The following ACSM1 variants were observed in gnomAD, a reference collection of about 807,000 sequenced individuals.
ACSM1 encodes the protein acyl-coenzyme A synthetase ACSM1, mitochondrial.
Under a neutral mutation model 75.8 loss-of-function variants are expected in ACSM1, and 79 were observed. The observed-to-expected ratio is 1.04, with a 90% CI of 0.87 to 1.26. The LOEUF (loss-of-function observed/expected upper bound fraction) is 1.26, where lower values mean the gene tolerates loss of function less well. Among genes scored for constraint, ACSM1 ranks in the 50% most tolerant of loss-of-function variants. The pLI is 0.00. For missense variants in ACSM1, 676 were observed against 720.1 expected (o/e 0.94, Z 0.70); for synonymous variants, 279 against 265.8 (o/e 1.05, Z -0.48).
chr16:20,693,044 C>T (rs2079669610), intron 1 of ACSM1, among the ~76,000 whole-genome samples: 1 of 151,998 alleles, frequency 6.6e-6, no homozygotes, highest in Admixed American at 6.6e-5. Flanking sequence ...GAAGTGCCTG[C>T]CTGTAGTCCC....
At position 20,657,882 on chromosome 16, in the gene ACSM1, T is replaced by C. The variant is rs547741389; in HGVS notation, c.992+3912A>G. ...GTTTGGTTTTTTGTCCTTGTGATAG[T>C]TTGCTGAGAATGATGGTTTCCAGCC... is the stretch of plus-strand genomic sequence containing the variant. On this transcript the variant is annotated intron_variant, in intron 7 of 13. Coordinates refer to ENST00000520010, the MANE Select transcript of ACSM1 (RefSeq NM_001318890.3). 2.0e-5 allele frequency among the ~76,000 whole-genome samples: 3 copies of C among 152,252 alleles called. No homozygotes were observed. The East Asian group carries it at 5.8e-4, about 29-fold the overall frequency.
chr16:20,633,106 A>G (rs1301419001), intron 10 of ACSM1, among the ~76,000 whole-genome samples: 1 of 152,206 alleles, frequency 6.6e-6, no homozygotes, highest in Non-Finnish European at 1.5e-5. Context: ...GACCAAAAAC[A>G]CAAGGATGCC....
intron 6 of ACSM1, among the ~76,000 whole-genome samples, chr16:20,666,818 C>T (rs1373609018): frequency 6.6e-6 from 1 of 152,076 alleles, no homozygotes; most frequent in Non-Finnish European, 1.5e-5. Flanking sequence ...TGGTCTTCAA[C>T]AAAGTGAACA....
intron 4 of ACSM1, among the ~76,000 whole-genome samples, chr16:20,677,424 T>C (rs77221086): frequency 6.6e-6 from 1 of 152,174 alleles, no homozygotes; most frequent in African/African-American, 2.4e-5. Context: ...GCCTCCTTGT[T>C]TTAAAGCAAT....
At chr16:20,670,396 T>C (rs1487154492) in intron 5 of ACSM1, among the ~76,000 whole-genome samples, 1 of 152,148 alleles carries the variant, frequency 6.6e-6, no homozygotes, top group Non-Finnish European at 1.5e-5. Context: ...ACCTGATCCA[T>C]GCCACTACTA....
intron 6 of ACSM1, among the ~76,000 whole-genome samples, chr16:20,669,441 AACACACACACACACACACAC>A (rs71149170): frequency 7.1e-6 from 1 of 141,252 alleles, no homozygotes; most frequent in Non-Finnish European, 1.5e-5. Flanking sequence ...TGAGTAAGAA[AACACACACACACACACACAC>A]ACACACACAC....
At chr16:20,665,614 G>C (rs114109118) in intron 6 of ACSM1, among the ~76,000 whole-genome samples, 2,154 of 143,598 alleles carry the variant, frequency 0.015, 53 homozygotes, top group African/African-American at 0.059. Flanking sequence ...AAGGAGAAGG[G>C]ACTCCTTTCT....
intron 7 of ACSM1, among the ~76,000 whole-genome samples, chr16:20,651,714 C>G (rs1319049886): frequency 6.6e-6 from 1 of 151,802 alleles, no homozygotes; most frequent in African/African-American, 2.4e-5. Context: ...TTAAAAAGTG[C>G]TTAAATCAGA....
chr16:20,673,702 T>C (rs909336740), intron 4 of ACSM1, among the ~76,000 whole-genome samples: 2 of 152,160 alleles, frequency 1.3e-5, no homozygotes, highest in African/African-American at 4.8e-5. Context: ...CTATAAGCCA[T>C]AGTTGGCAAT....
intron 8 of ACSM1, among the ~76,000 whole-genome samples, 182 bp from the exon 9 acceptor site, chr16:20,637,633 T>C (rs2017805188): frequency 1.3e-5 from 2 of 152,204 alleles, no homozygotes; most frequent in Non-Finnish European, 1.5e-5. Context: ...TTGACCCAAC[T>C]CTATTCCACA....
intron 7 of ACSM1, among the ~76,000 whole-genome samples, chr16:20,660,217 A>G (rs1208094447): frequency 6.6e-6 from 1 of 152,206 alleles, no homozygotes; most frequent in African/African-American, 2.4e-5. Flanking sequence ...TTCCCATGAA[A>G]TTTTCCCAAA....
intron 10 of ACSM1, among the ~76,000 whole-genome samples, chr16:20,629,089 GGAA>G (rs1203139365): frequency 1.3e-5 from 2 of 152,176 alleles, no homozygotes; most frequent in Non-Finnish European, 2.9e-5. Flanking sequence ...AGTCTCAAGA[GGAA>G]GACATGCTTC....
chr16:20,653,792 G>A (rs1192017141), intron 7 of ACSM1, among the ~76,000 whole-genome samples: 1 of 152,148 alleles, frequency 6.6e-6, no homozygotes, highest in African/African-American at 2.4e-5. Flanking sequence ...ATGCTCATGA[G>A]TAGGAAGAAT....
intron 4 of ACSM1, among the ~76,000 whole-genome samples, chr16:20,673,693 T>G (rs2020096281): frequency 6.6e-6 from 1 of 152,180 alleles, no homozygotes; most frequent in Admixed American, 6.5e-5. Context: ...CAAAGCTACC[T>G]ATAAGCCATA....
intron 1 of ACSM1, 52 bp downstream of exon 1, chr16:20,697,584 C>T: frequency 6.5e-6 from 1 of 153,122 alleles, no homozygotes; most frequent in Non-Finnish European, 1.5e-5. Flanking sequence ...CACACACACA[C>T]ACACACACAC....
chr16:20,691,288 C>A, intron 1 of ACSM1, 49 bp from the exon 2 acceptor site: 1 of 1,053,122 alleles, frequency 9.5e-7, no homozygotes, highest in Non-Finnish European at 1.3e-6. Flanking sequence ...AAACTTTCTC[C>A]CTAAATTGGG....
intron 4 of ACSM1, among the ~76,000 whole-genome samples, chr16:20,675,152 G>C (rs1158511792): frequency 2.0e-5 from 3 of 150,776 alleles, no homozygotes; most frequent in African/African-American, 7.5e-5. Context: ...AAGAGTCCTG[G>C]GGTAGAAGTG....
chr16:20,656,782 G>C (rs2018984892), intron 7 of ACSM1, among the ~76,000 whole-genome samples: 1 of 151,920 alleles, frequency 6.6e-6, no homozygotes. Flanking sequence ...TATACAAGTT[G>C]CTCCCTCTGG....
rs145771335 is a variant in ACSM1 at position 20,659,525 on chromosome 16, A to T, written c.992+2269T>A. 6.6e-3 allele frequency among the ~76,000 whole-genome samples: 1,000 copies of T among 152,284 alleles called. 17 individuals are homozygous for T. The highest frequency in any genetic ancestry group is 0.041 in the South Asian group (199 of 4,824). On this transcript the variant is annotated intron_variant, in intron 7 of 13. Coordinates refer to ENST00000520010, the MANE Select transcript of ACSM1 (RefSeq NM_001318890.3). ...TATTTAACCCTGTATATTGTGACTTAACTTTCCAATCTGACTCTGGCATAA... is the reference window on the plus strand; with the variant it reads ...TATTTAACCCTGTATATTGTGACTTTACTTTCCAATCTGACTCTGGCATAA...
Sources: gnomAD v4.1 joint callset for allele counts (sites outside exome capture counted in the v4.1 genomes callset) on GRCh38, gnomAD v4.1.1 for gene constraint, MANE v1.5 for transcripts, NCBI Gene and HGNC (gene_info 2026-07-23, HGNC 2026-07-21) for gene names.